The following NUDT4 variants were observed in gnomAD, a reference collection of about 807,000 sequenced individuals.
NUDT4 encodes nudix hydrolase 4.
A neutral mutation model predicts 23.1 loss-of-function variants in NUDT4; 5 were observed. The observed-to-expected ratio is 0.22, with a 90% CI of 0.11 to 0.46. NUDT4 has a LOEUF of 0.46. Among genes scored for constraint, NUDT4 ranks in the 20% least tolerant of loss-of-function variants. The pLI is 0.99. For synonymous variants in NUDT4, 50 were observed against 79.0 expected (o/e 0.63, Z 1.95); for missense variants, 96 against 211.6 (o/e 0.45, Z 3.39).
intron 1 of NUDT4, among the ~76,000 whole-genome samples, chr12:93,391,597 C>G (rs1286787256): frequency 6.6e-6 from 1 of 151,484 alleles, no homozygotes; most frequent in Non-Finnish European, 1.5e-5. Context: ...ATTAGCCAGG[C>G]CTGGTGGTGG....
In NUDT4 at chr12:93,382,674, C is replaced by CTTTTTTTTTTTTTTTTTTTTT. The variant is rs11315217; in HGVS notation, c.99+4273_99+4274insTTTTTTTTTTTTTTTTTTTTT. On this transcript the variant is annotated intron_variant, in intron 1 of 4. Coordinates refer to ENST00000415493, the MANE Select transcript of NUDT4 (RefSeq NM_019094.6). ...AAAATAAGTACTATCCAAAGGTAGC[C>CTTTTTTTTTTTTTTTTTTTTT]TTTTTTTTTTTTTTTTTTTTGAGAC... 1.6e-4 allele frequency among the ~76,000 whole-genome samples: 18 copies of CTTTTTTTTTTTTTTTTTTTTT among 111,640 alleles called. 1 individual carries two copies. Among genetic ancestry groups the CTTTTTTTTTTTTTTTTTTTTT allele is most frequent in the African/African-American group, 4.6e-4 (13 of 28,468 alleles). 73.2% of individuals were successfully genotyped at this position (111,640 alleles called of 152,430 possible).
At chr12:93,392,681 TTTTC>T (rs1448198237) in intron 1 of NUDT4, among the ~76,000 whole-genome samples, 1 of 109,618 alleles carries the variant, frequency 9.1e-6, no homozygotes, top group Non-Finnish European at 1.9e-5. Context: ...TTTTTTTTTT[TTTTC>T]CCCCGAGATG....
rs1170722018 is a variant in NUDT4 at position 93,406,335 on chromosome 12, G to A, written c.*6956G>A. The A allele has an allele frequency of 7.3e-6, 1 of 137,414 alleles. No individual in the cohort carries two copies. Among genetic ancestry groups the A allele is most frequent in the African/African-American group, 2.8e-5 (1 of 36,144 alleles). The allele number at this position is 137,414 out of a possible 1,614,324, so 8.5% of individuals were successfully genotyped here. A position where few individuals can be genotyped will look rare whatever the true frequency, so the allele number is the denominator to read the frequency against. On this transcript the variant is annotated 3_prime_UTR_variant, in exon 5 of 5. Coordinates refer to ENST00000415493, the MANE Select transcript of NUDT4 (RefSeq NM_019094.6). ...CCTGAACCATTCAACAGAAAAATGA[G>A]GCCTATTCCTATCATTTCCTCGATC...
intron 1 of NUDT4, among the ~76,000 whole-genome samples, chr12:93,380,571 G>T (rs1385620946): frequency 6.6e-6 from 1 of 152,180 alleles, no homozygotes; most frequent in Non-Finnish European, 1.5e-5. Context: ...CATCTTGTTA[G>T]AGGATATGAT....
chr12:93,402,348 T>C lies in NUDT4; in HGVS notation c.*2969T>C, dbSNP rs1000094935. The C allele has an allele frequency of 2.0e-5, 3 of 152,148 alleles. No homozygotes were observed. The highest frequency in any genetic ancestry group is 3.8e-4 in the East Asian group (2 of 5,202). 9.4% of individuals were successfully genotyped at this position (152,148 alleles called of 1,614,324 possible). A position where few individuals can be genotyped will look rare whatever the true frequency, so the allele number is the denominator to read the frequency against. On this transcript the variant is annotated 3_prime_UTR_variant, in exon 5 of 5. Transcript: ENST00000415493. ...TTTGCAAACCAGGTTTCTGAAACTT[T>C]GGGTAAGGTGTATGCTTTTAACTTT...
intron 2 of NUDT4, among the ~76,000 whole-genome samples, chr12:93,394,930 C>A (rs570383057): frequency 6.6e-6 from 1 of 152,074 alleles, no homozygotes; most frequent in African/African-American, 2.4e-5. Context: ...CTCACTGCCA[C>A]CTCCGCCTCC....
At chr12:93,393,398 C>T (rs1359742662) in intron 1 of NUDT4, among the ~76,000 whole-genome samples, 3 of 152,108 alleles carry the variant, frequency 2.0e-5, no homozygotes, top group Non-Finnish European at 4.4e-5. Flanking sequence ...CCACCACGCC[C>T]GGCCACATTT....
chr12:93,385,673 T>C (rs1424507024), intron 1 of NUDT4, among the ~76,000 whole-genome samples: 1 of 151,982 alleles, frequency 6.6e-6, no homozygotes, highest in Non-Finnish European at 1.5e-5. Context: ...TGTGTGCGTT[T>C]AGAGTGAGTG....
At chr12:93,385,941 T>TATATATA (rs1565777284) in intron 1 of NUDT4, among the ~76,000 whole-genome samples, 3,220 of 104,408 alleles carry the variant, frequency 0.031, 106 homozygotes, top group East Asian at 0.043. Flanking sequence ...GTAAATCTTT[T>TATATATA]TATATATATA....
At position 93,382,674 on chromosome 12, in the gene NUDT4, C is replaced by CTTTTTT. The variant is rs11315217; in HGVS notation, c.99+4268_99+4273dup. Among the ~76,000 whole-genome samples the CTTTTTT allele has an allele frequency of 3.7e-3, 410 of 111,618 alleles. 20 individuals are homozygous for CTTTTTT. The highest frequency in any genetic ancestry group is 0.01 in the African/African-American group (293 of 28,462). The allele number at this position is 111,618 out of a possible 152,430, so 73.2% of individuals were successfully genotyped here. A position where few individuals can be genotyped will look rare whatever the true frequency, so the allele number is the denominator to read the frequency against. On this transcript the variant is annotated intron_variant, in intron 1 of 4. Coordinates refer to ENST00000415493, the MANE Select transcript of NUDT4 (RefSeq NM_019094.6). ...AAAATAAGTACTATCCAAAGGTAGCCTTTTTTTTTTTTTTTTTTTTGAGAC... is the reference window on the plus strand; with the variant it reads ...AAAATAAGTACTATCCAAAGGTAGCCTTTTTTTTTTTTTTTTTTTTTTTTTTGAGAC...
rs757387534 is a variant in NUDT4 at position 93,395,476 on chromosome 12, C to CT, written c.211-6dup. The stretch of plus-strand genomic sequence containing the variant: ...AAAAGGTAAACATTTTATATTTCAT[C>CT]TTTTTTTAATAGGCTGGAGTCAAAG... On this transcript the variant is annotated splice_polypyrimidine_tract_variant and intron_variant, in intron 2 of 4. Transcript: ENST00000415493. 2.5e-6 allele frequency: 4 copies of CT among 1,587,856 alleles called. No homozygotes were observed. The highest frequency in any genetic ancestry group is 3.5e-6 in the Non-Finnish European group (4 of 1,156,718).
rs1282804622 is a variant in NUDT4 at position 93,404,336 on chromosome 12, GGT to G, written c.*4960_*4961del. The G allele has an allele frequency of 6.6e-6, 1 of 152,140 alleles. No individual in the cohort carries two copies. Among genetic ancestry groups the G allele is most frequent in the East Asian group, 1.9e-4 (1 of 5,198 alleles). The allele number at this position is 152,140 out of a possible 1,614,324, so 9.4% of individuals were successfully genotyped here. A position where few individuals can be genotyped will look rare whatever the true frequency, so the allele number is the denominator to read the frequency against. On this transcript the variant is annotated 3_prime_UTR_variant, in exon 5 of 5. Coordinates refer to ENST00000415493, the MANE Select transcript of NUDT4 (RefSeq NM_019094.6). ...TGGTTAACTTGCAATATATCCATAT[GGT>G]GTAATATTACAGTCATTAGAAATGA...
rs1877310818 is a variant in NUDT4 at position 93,400,554 on chromosome 12, C to G, written c.*1175C>G. 6.6e-6 allele frequency: 1 copy of G among 152,204 alleles called. No individual in the cohort carries two copies. The highest frequency in any genetic ancestry group is 6.5e-5 in the Admixed American group (1 of 15,274). 9.4% of individuals were successfully genotyped at this position (152,204 alleles called of 1,614,324 possible). A position where few individuals can be genotyped will look rare whatever the true frequency, so the allele number is the denominator to read the frequency against. ...CCTTATCTGAAACTCTTGCACTTCC[C>G]CAACCAGGGCAGAAATGAGGTGGGA... On this transcript the variant is annotated 3_prime_UTR_variant, in exon 5 of 5. Transcript: ENST00000415493.
chr12:93,378,309 A>G lies in NUDT4; in HGVS notation c.-14A>G. On this transcript the variant is annotated 5_prime_UTR_variant, in exon 1 of 5. Coordinates refer to ENST00000415493, the MANE Select transcript of NUDT4 (RefSeq NM_019094.6). ...CGGCCGGAGCAGCAGCAGCAGCAGC[A>G]GGAGCCCGCCTCTATGATGAAGTTC... 1.6e-6 allele frequency: 2 copies of G among 1,235,274 alleles called. No homozygotes were observed. Among genetic ancestry groups the G allele is most frequent in the Non-Finnish European group, 2.2e-6 (2 of 918,480 alleles). 76.5% of individuals were successfully genotyped at this position (1,235,274 alleles called of 1,614,324 possible).
At position 93,399,186 on chromosome 12, in the gene NUDT4, G is replaced by C. The variant is rs1252133601; in HGVS notation, c.350G>C (p.Arg117Thr). Residue 117 changes from arginine to threonine, a missense_variant, in exon 5 of 5, where the codon AGA becomes ACA. Arg to Thr is a moderately conservative substitution (Grantham distance 71). Transcript: ENST00000415493. The part of the protein sequence containing the change: ...WEDSVNIGRK[R>T]EWFKVEDAIK... ...TCATTCTTTTCTCTAGGAAGGAAGA[G>C]AGAGTGGTTCAAAGTAGAAGATGCT... The C allele has an allele frequency of 6.2e-7, 1 of 1,606,626 alleles. No individual in the cohort carries two copies. Among genetic ancestry groups the C allele is most frequent in the Non-Finnish European group, 8.5e-7 (1 of 1,173,354 alleles).
chr12:93,398,338 CAAAAAAA>C (rs34651915), intron 3 of NUDT4, among the ~76,000 whole-genome samples: 85 of 75,286 alleles, frequency 1.1e-3, no homozygotes, highest in Non-Finnish European at 1.7e-3. Flanking sequence ...CTCCCTGTCT[CAAAAAAA>C]AAAAAAAAAA....
At chr12:93,383,074 A>ATT (rs367746876) in intron 1 of NUDT4, among the ~76,000 whole-genome samples, 2,260 of 144,434 alleles carry the variant, frequency 0.016, 30 homozygotes, top group Middle Eastern at 0.04. Context: ...TTTGCATTGG[A>ATT]TTTTTTTTTT....
chr12:93,378,886 G>A, intron 1 of NUDT4: 1 of 661,076 alleles, frequency 1.5e-6, no homozygotes, highest in Non-Finnish European at 1.9e-6. Context: ...GCATGTTTGT[G>A]GAGTAACAGA....
Position 93,394,738 on chromosome 12 carries a change from C to T in NUDT4, c.210+19C>T, listed in dbSNP as rs1876807119. On this transcript the variant is annotated intron_variant, in intron 2 of 4. Coordinates refer to ENST00000415493, the MANE Select transcript of NUDT4 (RefSeq NM_019094.6). ...TGAGGAGGTGAGATGTTCTTTCACA[C>T]AAATTCTGTTTCGGAGTTTTAAAAA... 4.1e-6 allele frequency: 6 copies of T among 1,470,526 alleles called. No individual in the cohort carries two copies. The East Asian group carries it at 1.5e-4, about 36-fold the overall frequency. 91.1% of individuals were successfully genotyped at this position (1,470,526 alleles called of 1,614,324 possible). A position where few individuals can be genotyped will look rare whatever the true frequency, so the allele number is the denominator to read the frequency against.
Sources: allele counts gnomAD v4.1 joint callset (sites outside exome capture counted in the v4.1 genomes callset), GRCh38; gene constraint gnomAD v4.1.1; transcripts MANE v1.5; gene names NCBI Gene and HGNC (gene_info 2026-07-23, HGNC 2026-07-21).